ADAM23: variants seen among roughly 807,000 people sequenced by gnomAD.
ADAM23 encodes the protein disintegrin and metalloproteinase domain-containing protein 23.
ADAM23 carries 33 observed loss-of-function variants against 120.1 expected under a neutral mutation model. That is an observed-to-expected ratio of 0.27 (90% CI 0.21 to 0.37). The LOEUF (loss-of-function observed/expected upper bound fraction) is 0.37. Ranked by LOEUF, ADAM23 falls within the 10% of genes least tolerant of loss-of-function variation. ADAM23 has a pLI of 1.00. For synonymous variants in ADAM23, 367 were observed against 375.2 expected (o/e 0.98, Z 0.25); for missense variants, 862 against 1,058.2 (o/e 0.81, Z 2.57).
At chr2:206,455,536 T>G (rs1319122354) in intron 2 of ADAM23, among the ~76,000 whole-genome samples, 1 of 152,240 alleles carries the variant, frequency 6.6e-6, no homozygotes, top group African/African-American at 2.4e-5. Context: ...TTGTGTTTTC[T>G]GCCACATGGT....
chr2:206,525,776 C>CA (rs1212670878), intron 3 of ADAM23, among the ~76,000 whole-genome samples: 1 of 151,844 alleles, frequency 6.6e-6, no homozygotes, highest in Non-Finnish European at 1.5e-5. Flanking sequence ...ATTTTTAGTA[C>CA]AGATGGGGTT....
At chr2:206,475,601 C>A (rs1695759011) in intron 2 of ADAM23, among the ~76,000 whole-genome samples, 1 of 151,678 alleles carries the variant, frequency 6.6e-6, no homozygotes, top group Non-Finnish European at 1.5e-5. Flanking sequence ...TACCAAACAG[C>A]CACGCTGATG....
Position 206,547,422 on chromosome 2 carries a change from G to A in ADAM23, c.721-7G>A. On this transcript the variant is annotated splice_polypyrimidine_tract_variant and splice_region_variant and intron_variant, in intron 6 of 25. Transcript: ENST00000264377. ...TTTCTAAATTGCCTACAATTGTTTT[G>A]TTTCAGAAAAGCACAGGTCGACCAC... 6.2e-7 allele frequency: 1 copy of A among 1,609,666 alleles called. No homozygotes were observed. Among genetic ancestry groups the A allele is most frequent in the Non-Finnish European group, 8.5e-7 (1 of 1,177,484 alleles).
intron 6 of ADAM23, among the ~76,000 whole-genome samples, chr2:206,544,761 C>T (rs543638699): frequency 9.2e-5 from 14 of 151,972 alleles, no homozygotes; most frequent in East Asian, 3.9e-4. Flanking sequence ...TACAGGTGCC[C>T]GCCACCGCAC....
chr2:206,512,235 GC>G (rs1200173085), intron 3 of ADAM23, among the ~76,000 whole-genome samples: 2 of 152,176 alleles, frequency 1.3e-5, no homozygotes, highest in African/African-American at 4.8e-5. Flanking sequence ...TAAACAAGCT[GC>G]TTAATAGCCT....
chr2:206,508,092 C>G (rs908217639), intron 3 of ADAM23, among the ~76,000 whole-genome samples: 1 of 152,058 alleles, frequency 6.6e-6, no homozygotes, highest in Non-Finnish European at 1.5e-5. Flanking sequence ...TGCAGTGGCG[C>G]AATCTCGGCT....
At chr2:206,612,444 G>C (rs1408844243) in intron 25 of ADAM23, among the ~76,000 whole-genome samples, 1 of 152,154 alleles carries the variant, frequency 6.6e-6, no homozygotes, top group African/African-American at 2.4e-5. Flanking sequence ...TTGTACAAAA[G>C]ATTGTTCTAA....
chr2:206,596,217 C>A (rs1282867783), intron 24 of ADAM23, 55 bp downstream of exon 24: 5 of 1,309,682 alleles, frequency 3.8e-6, no homozygotes, highest in African/African-American at 1.5e-5. Flanking sequence ...GACACTGTTC[C>A]AATGCACCAG....
intron 18 of ADAM23, among the ~76,000 whole-genome samples, chr2:206,585,170 A>G (rs184121290): frequency 3.3e-5 from 5 of 152,268 alleles, no homozygotes; most frequent in Admixed American, 3.3e-4. Context: ...GCTAAAATTC[A>G]CAGTGCAGGC....
chr2:206,591,959 G>T (rs777142474), intron 21 of ADAM23, among the ~76,000 whole-genome samples: 1 of 151,976 alleles, frequency 6.6e-6, no homozygotes, highest in Non-Finnish European at 1.5e-5. Flanking sequence ...TTTTTGTGAT[G>T]TGCCACTTCA....
intron 2 of ADAM23, among the ~76,000 whole-genome samples, chr2:206,467,710 G>A (rs1695569651): frequency 6.6e-6 from 1 of 152,178 alleles, no homozygotes; most frequent in African/African-American, 2.4e-5. Context: ...TACCCCAGTG[G>A]GGACTCTGTG....
At chr2:206,501,239 C>T (rs935928657) in intron 3 of ADAM23, among the ~76,000 whole-genome samples, 2 of 152,064 alleles carry the variant, frequency 1.3e-5, no homozygotes, top group Non-Finnish European at 2.9e-5. Flanking sequence ...AGCTGATTTT[C>T]GAATCTCTTC....
chr2:206,467,721 TG>T (rs1559220342), intron 2 of ADAM23, among the ~76,000 whole-genome samples: 2 of 152,196 alleles, frequency 1.3e-5, no homozygotes, highest in African/African-American at 4.8e-5. Flanking sequence ...GGACTCTGTG[TG>T]GGGGCTCAAC....
chr2:206,462,228 T>C (rs910571976), intron 2 of ADAM23, among the ~76,000 whole-genome samples: 2 of 152,168 alleles, frequency 1.3e-5, no homozygotes, highest in Admixed American at 6.5e-5. Flanking sequence ...TATAAATATG[T>C]CATATAAAAT....
At chr2:206,528,725 T>C (rs1417796561) in intron 3 of ADAM23, among the ~76,000 whole-genome samples, 1 of 152,218 alleles carries the variant, frequency 6.6e-6, no homozygotes, top group Non-Finnish European at 1.5e-5. Context: ...AAACCTACTA[T>C]GAGGCAAAAT....
chr2:206,457,040 C>T (rs1695315493), intron 2 of ADAM23, among the ~76,000 whole-genome samples: 1 of 152,206 alleles, frequency 6.6e-6, no homozygotes, highest in African/African-American at 2.4e-5. Flanking sequence ...GCTCCATTAA[C>T]AATGTGAATC....
chr2:206,595,459 G>C (rs1329921743), intron 23 of ADAM23, among the ~76,000 whole-genome samples: 1 of 149,946 alleles, frequency 6.7e-6, no homozygotes, highest in African/African-American at 2.4e-5. Flanking sequence ...AGAAAAGAGG[G>C]TTACCAAGGA....
rs1697976973 is a variant in ADAM23, at chr2:206,570,653, A to G, written c.1495-87A>G. 7.2e-6 allele frequency: 7 copies of G among 975,204 alleles called. 1 individual carries two copies. In the Admixed American group the frequency reaches 7.2e-5, roughly 10 times the overall value. 60.4% of individuals were successfully genotyped at this position (975,204 alleles called of 1,614,324 possible). The stretch of plus-strand genomic sequence containing the variant: ...GAAGAATATCACATGATAGCTGATT[A>G]TACGGCCATTGTATGTGGCCCAGTT... On this transcript the variant is annotated intron_variant, in intron 15 of 25. Coordinates refer to ENST00000264377, the MANE Select transcript of ADAM23 (RefSeq NM_003812.4).
At chr2:206,604,866 A>G (rs1008091543) in intron 24 of ADAM23, among the ~76,000 whole-genome samples, 2 of 152,218 alleles carry the variant, frequency 1.3e-5, no homozygotes, top group Non-Finnish European at 2.9e-5. Context: ...GGGAAAGGTA[A>G]TTTGAAGCCA....
Sources: allele counts gnomAD v4.1 joint callset (sites outside exome capture counted in the v4.1 genomes callset), GRCh38; gene constraint gnomAD v4.1.1; transcripts MANE v1.5; gene names NCBI Gene and HGNC (gene_info 2026-07-23, HGNC 2026-07-21).